Variants in UPRT observed in about 807,000 individuals in gnomAD.
UPRT encodes the protein RP11-311P8.3.
A neutral mutation model predicts 22.6 loss-of-function variants in UPRT; 5 were observed. That is an observed-to-expected ratio of 0.22 (90% confidence interval 0.12 to 0.47). The LOEUF (loss-of-function observed/expected upper bound fraction) is 0.47. Ranked by LOEUF, UPRT falls within the 20% of genes least tolerant of loss-of-function variation. The pLI, the probability that UPRT is intolerant of heterozygous loss-of-function variation, is 0.99. For synonymous variants in UPRT, 77 were observed against 87.7 expected (o/e 0.88, Z 0.68); for missense variants, 181 against 239.9 (o/e 0.75, Z 1.62).
Position 75,263,513 on chromosome X carries a change from G to C in UPRT, c.-446-27511G>C, listed in dbSNP as rs770930639. Among the ~76,000 whole-genome samples, 10 of 112,112 alleles carry C rather than the reference G, an allele frequency of 8.9e-5. No homozygotes were observed. In the South Asian group the frequency reaches 3.7e-3, roughly 42 times the overall value. ...TTTTCTAGTTTATTTGCATAGATGT[G>C]TTTATAGTATTCTCTGATGGTAGTC... On this transcript the variant is annotated intron_variant, in intron 4 of 13. Coordinates refer to the UPRT transcript ENST00000652605.
chrX:75,202,450 A>T (rs2082349682), intron 4 of UPRT, among the ~76,000 whole-genome samples: 1 of 111,836 alleles, frequency 8.9e-6, no homozygotes, highest in Non-Finnish European at 1.9e-5. Flanking sequence ...TTAAAAAAGA[A>T]AAGAAAATGA....
At chrX:75,269,860 C>A (rs1398783360), upstream of UPRT, among the ~76,000 whole-genome samples, 1 of 111,340 alleles carries the variant, frequency 9.0e-6, no homozygotes, top group Non-Finnish European at 1.9e-5. Context: ...GACTTCATGA[C>A]TAAAACAGCA....
chrX:75,250,964 A>C (rs2082527393), intron 4 of UPRT, among the ~76,000 whole-genome samples: 1 of 111,959 alleles, frequency 8.9e-6, no homozygotes, highest in African/African-American at 3.2e-5. Context: ...CAAAAATGAC[A>C]TGATTATCTC....
chrX:75,176,903 T>A (rs1602438653), intron 4 of UPRT, among the ~76,000 whole-genome samples: 1 of 110,961 alleles, frequency 9.0e-6, no homozygotes, highest in Non-Finnish European at 1.9e-5. Context: ...TTTTTCCCCA[T>A]CAGAAAGAGA....
intron 4 of UPRT, among the ~76,000 whole-genome samples, chrX:75,186,598 A>G (rs1290453585): frequency 9.0e-6 from 1 of 111,462 alleles, no homozygotes; most frequent in Non-Finnish European, 1.9e-5. Context: ...TGTCTCATTG[A>G]TCTGTCTAAT....
chrX:75,242,038 C>T (rs1239300432), intron 4 of UPRT, among the ~76,000 whole-genome samples: 2 of 110,277 alleles, frequency 1.8e-5, no homozygotes, highest in African/African-American at 3.3e-5. Context: ...TCCATGTAAC[C>T]AAACACTACC....
In UPRT at chrX:75,165,871, A is replaced by G. The variant is rs765077944; in HGVS notation, c.-520-1935A>G. ...TCCTGCCTCAGCCTCCCAAAATGCT[A>G]GGATTACAGGGGTGAGCCACTGCAC... On this transcript the variant is annotated intron_variant, in intron 3 of 13. Transcript: ENST00000652605. Among the ~76,000 whole-genome samples, 5 of 111,321 alleles carry G rather than the reference A, an allele frequency of 4.5e-5. No homozygotes were observed. The South Asian group carries it at 1.1e-3, about 25-fold the overall frequency.
At chrX:75,262,364 A>T (rs1169193419) in intron 4 of UPRT, among the ~76,000 whole-genome samples, 1 of 111,538 alleles carries the variant, frequency 9.0e-6, no homozygotes, top group East Asian at 2.8e-4. Flanking sequence ...ACCATGAAAA[A>T]AGTACCTCAA....
At chrX:75,182,838 A>G (rs1172591576) in intron 4 of UPRT, among the ~76,000 whole-genome samples, 1 of 108,298 alleles carries the variant, frequency 9.2e-6, no homozygotes, top group Admixed American at 1.0e-4. Context: ...AAACACCTCA[A>G]TTTCCTTCAG....
chrX:75,167,848 T>A (rs760719934), exon 4 of UPRT, among the ~76,000 whole-genome samples: 25 of 111,017 alleles, frequency 2.3e-4, no homozygotes, highest in Non-Finnish European at 4.7e-4. Flanking sequence ...CAGCATTTGT[T>A]TCCCTTAGCC....
chrX:75,191,273 G>A (rs1381900829), intron 4 of UPRT, among the ~76,000 whole-genome samples: 1 of 112,523 alleles, frequency 8.9e-6, no homozygotes, highest in East Asian at 2.8e-4. Flanking sequence ...GTTATCAGCA[G>A]TGAAGGCTGC....
At chrX:75,245,293 A>G (rs1487865831) in intron 4 of UPRT, among the ~76,000 whole-genome samples, 1 of 109,899 alleles carries the variant, frequency 9.1e-6, no homozygotes, top group Non-Finnish European at 1.9e-5. Context: ...GAAAAGGAAA[A>G]CAGATAGATG....
intron 4 of UPRT, among the ~76,000 whole-genome samples, chrX:75,214,917 A>C (rs765968312): frequency 1.8e-5 from 2 of 109,461 alleles, no homozygotes; most frequent in South Asian, 4.0e-4. Flanking sequence ...TGTCTCAAAA[A>C]AATTTGCCAA....
chrX:75,215,823 A>G (rs926919553), intron 4 of UPRT, among the ~76,000 whole-genome samples: 3 of 111,600 alleles, frequency 2.7e-5, no homozygotes, highest in African/African-American at 9.7e-5. Flanking sequence ...TATCTGAAAT[A>G]AAAGTTGAAA....
chrX:75,291,552 T>C (rs1411060552), intron 1 of UPRT: 2 of 190,402 alleles, frequency 1.1e-5, no homozygotes, highest in Non-Finnish European at 1.9e-5. Context: ...TGCAGCTTCA[T>C]TGATACAAGT....
intron 4 of UPRT, among the ~76,000 whole-genome samples, chrX:75,230,870 C>T (rs1453637295): frequency 8.9e-6 from 1 of 112,138 alleles, no homozygotes; most frequent in Non-Finnish European, 1.9e-5. Flanking sequence ...TGCAGTCTGA[C>T]TCTTAGGAAG....
At chrX:75,261,851 G>C (rs1317660420) in intron 4 of UPRT, among the ~76,000 whole-genome samples, 1 of 111,721 alleles carries the variant, frequency 9.0e-6, no homozygotes, top group Non-Finnish European at 1.9e-5. Flanking sequence ...TCCCTGGGAT[G>C]CAAGGCTGGT....
At chrX:75,208,077 C>G (rs924554480) in intron 4 of UPRT, among the ~76,000 whole-genome samples, 1 of 111,442 alleles carries the variant, frequency 9.0e-6, no homozygotes. Context: ...TCCCACAAGG[C>G]CCAAGAAGGA....
At chrX:75,275,332 C>T (rs1266155044) in intron 1 of UPRT, among the ~76,000 whole-genome samples, 1 of 111,982 alleles carries the variant, frequency 8.9e-6, no homozygotes, top group Non-Finnish European at 1.9e-5. Flanking sequence ...ATTTCTAAAC[C>T]TACGTTGTAA....
Sources: gnomAD v4.1 joint callset for allele counts (sites outside exome capture counted in the v4.1 genomes callset) on GRCh38, gnomAD v4.1.1 for gene constraint, MANE v1.5 for transcripts, NCBI Gene and HGNC (gene_info 2026-07-23, HGNC 2026-07-21) for gene names.